The following CYP4F12 variants were observed in gnomAD, a reference collection of about 807,000 sequenced individuals.
CYP4F12 encodes cytochrome P450 4F12.
In CYP4F12, 60 loss-of-function variants were observed where a neutral mutation model predicts 56.5. That is an observed-to-expected ratio of 1.06 (90% CI 0.86 to 1.32). CYP4F12 has a LOEUF of 1.32. CYP4F12 is among the 40% of genes most tolerant of loss of function. CYP4F12 has a pLI of 0.00. For synonymous variants in CYP4F12, 263 were observed against 264.9 expected, an observed-to-expected ratio of 0.99 and a Z score of 0.07; for missense variants, 711 against 683.5, an observed-to-expected ratio of 1.04 and a Z score of -0.45.
chr19:15,696,862 A>G, intron 12 of CYP4F12, 46 bp from the exon 13 acceptor site: 1 of 1,568,754 alleles, frequency 6.4e-7, no homozygotes, highest in Non-Finnish European at 8.7e-7. Context: ...GATGGGACCC[A>G]AATGCGGGTC....
chr19:15,696,483 G>C lies in CYP4F12; in HGVS notation c.1368G>C (p.Leu456=), dbSNP rs1371050728. ...AGAACAGCAAGGGGAGGTCACCTCT[G>C]GCTTTTATTCCTTTCTCCGCAGGGC... ...DPENSKGRSP[L]AFIPFSAGPR... The change falls in exon 12 of 13, where the codon CTG becomes CTC. Residue 456 remains leucine (L), a synonymous_variant. Coordinates refer to ENST00000550308, the MANE Select transcript of CYP4F12 (RefSeq NM_023944.4). The C allele has an allele frequency of 8.7e-6, 14 of 1,614,082 alleles. No homozygotes were observed. The highest frequency in any genetic ancestry group is 1.2e-5 in the Non-Finnish European group (14 of 1,180,004).
At chr19:15,678,513 T>A in intron 3 of CYP4F12, 108 bp downstream of exon 3, 5 of 1,358,600 alleles carry the variant, frequency 3.7e-6, no homozygotes, top group Admixed American at 1.9e-5. Flanking sequence ...GAGACTTCCT[T>A]CTCAATGTCT....
intron 1 of CYP4F12, 193 bp from the exon 2 acceptor site, chr19:15,673,336 C>T (rs1316937973): frequency 8.2e-6 from 5 of 609,582 alleles, no homozygotes; most frequent in Non-Finnish European, 1.5e-5. Context: ...TGTGTGGTTA[C>T]CAGGTTACTG....
At position 15,696,906 on chromosome 19, in the gene CYP4F12, A is replaced by G. The variant is rs2008169785; in HGVS notation, c.1398-2A>G. The G allele has an allele frequency of 1.1e-5, 17 of 1,610,870 alleles. No homozygotes were observed. Among genetic ancestry groups the G allele is most frequent in the East Asian group, 2.2e-5 (1 of 44,802 alleles). ...AGTCACAGTCCCCACTCCCGCCTGC[A>G]GGAACTGCATCGGGCAGGCGTTCGC... On this transcript the variant is annotated splice_acceptor_variant, in intron 12 of 12. Coordinates refer to ENST00000550308, the MANE Select transcript of CYP4F12 (RefSeq NM_023944.4). LOFTEE classifies it high-confidence loss of function.
At chr19:15,687,338 G>A (rs2007665623) in intron 9 of CYP4F12, among the ~76,000 whole-genome samples, 1 of 151,952 alleles carries the variant, frequency 6.6e-6, no homozygotes, top group African/African-American at 2.4e-5. Context: ...ACCATCAATG[G>A]TTTTGTGTGT....
At chr19:15,696,327 G>A (rs1015151777) in intron 11 of CYP4F12, 102 bp downstream of exon 11, 3 of 1,609,892 alleles carry the variant, frequency 1.9e-6, no homozygotes, top group Admixed American at 3.4e-5. Context: ...GTTTTGATGA[G>A]GAAAATCCAA....
At chr19:15,688,958 G>T (rs2007746580) in intron 9 of CYP4F12, among the ~76,000 whole-genome samples, 1 of 151,522 alleles carries the variant, frequency 6.6e-6, no homozygotes, top group Admixed American at 6.6e-5. Flanking sequence ...AAAATCAAAG[G>T]CTTAAATCTA....
At chr19:15,684,964 C>A in intron 8 of CYP4F12, 82 bp downstream of exon 8, 1 of 1,565,484 alleles carries the variant, frequency 6.4e-7, no homozygotes, top group Admixed American at 1.8e-5. Context: ...TGGATCACTC[C>A]ATTCTGCCCA....
chr19:15,695,745 C>T (rs796114405), intron 9 of CYP4F12, among the ~76,000 whole-genome samples, 191 bp from the exon 10 acceptor site: 5 of 152,258 alleles, frequency 3.3e-5, no homozygotes, highest in African/African-American at 1.2e-4. Context: ...ATCTATTTGG[C>T]TAAATTTTCT....
rs2006935290 is a variant in CYP4F12 at position 15,676,453 on chromosome 19, T to TCACTCACTCATTCCTGTGCC, written c.199-1806_199-1805insCTCACTCATTCCTGTGCCCA. 1.7e-4 allele frequency among the ~76,000 whole-genome samples: 3 copies of TCACTCACTCATTCCTGTGCC among 17,152 alleles called. 1 individual carries two copies. The highest frequency in any genetic ancestry group is 5.3e-4 in the African/African-American group (3 of 5,630). The allele number at this position is 17,152 out of a possible 152,430, so 11.3% of individuals were successfully genotyped here. On this transcript the variant is annotated intron_variant, in intron 2 of 12. Transcript: ENST00000550308. The stretch of plus-strand genomic sequence containing the variant: ...TCTCCTCACTCACTCATTCCTCTCC[T>TCACTCACTCATTCCTGTGCC]CATTCAGTCATTCCTGTCCTCACTC...
rs538943818 is a variant in CYP4F12, at chr19:15,683,843, T to C, written c.918+80T>C. 1.6e-3 allele frequency: 2,420 copies of C among 1,475,942 alleles called. 6 individuals carry two copies. Among genetic ancestry groups the C allele is most frequent in the South Asian group, 2.6e-3 (178 of 68,000 alleles). 91.4% of individuals were successfully genotyped at this position (1,475,942 alleles called of 1,614,324 possible). On this transcript the variant is annotated intron_variant, in intron 7 of 12. Transcript: ENST00000550308. ...GTCAGGTGAAATAAATTGGTTTTGA[T>C]CCAAAGGGCACTGGGAGCCATGGAA...
At chr19:15,686,319 C>T (rs2007601837) in intron 9 of CYP4F12, among the ~76,000 whole-genome samples, 1 of 152,166 alleles carries the variant, frequency 6.6e-6, no homozygotes, top group Non-Finnish European at 1.5e-5. Flanking sequence ...TAAAGTGCCT[C>T]AACTGAAACC....
rs7252926 is a variant in CYP4F12 at position 15,673,136 on chromosome 19, G to A, written c.-2+1G>A. On this transcript the variant is annotated splice_donor_variant, in intron 1 of 12. Coordinates refer to ENST00000550308, the MANE Select transcript of CYP4F12 (RefSeq NM_023944.4). LOFTEE classifies it low-confidence loss of function (5UTR_SPLICE). ...TGGGACAAGCTGCTCCCGACAGAAG[G>A]TACCAGGCTGGGGGTGGCAGGGCTG... The A allele has an allele frequency of 1.1e-3, 500 of 448,796 alleles. No homozygotes were observed. The highest frequency in any genetic ancestry group is 9.0e-3 in the African/African-American group (448 of 49,736). The allele number at this position is 448,796 out of a possible 1,614,324, so 27.8% of individuals were successfully genotyped here.
chr19:15,691,080 C>T (rs891349710), intron 9 of CYP4F12, among the ~76,000 whole-genome samples: 2 of 152,166 alleles, frequency 1.3e-5, no homozygotes, highest in African/African-American at 2.4e-5. Flanking sequence ...AAGACACTTG[C>T]GTAAACATTT....
At chr19:15,681,594 C>T (rs1056180405) in intron 5 of CYP4F12, 6 of 152,228 alleles carry the variant, frequency 3.9e-5, no homozygotes, top group African/African-American at 1.4e-4. Context: ...GCATGACATA[C>T]AATGGGCATT....
At chr19:15,684,589 A>G (rs1414503641) in intron 7 of CYP4F12, 2 of 457,730 alleles carry the variant, frequency 4.4e-6, no homozygotes, top group Admixed American at 3.8e-5. Flanking sequence ...TCCTGTCACC[A>G]GGGTCCAAAG....
At chr19:15,689,626 A>G (rs76679101) in intron 9 of CYP4F12, among the ~76,000 whole-genome samples, 6,122 of 152,288 alleles carry the variant, frequency 0.04, 454 homozygotes, top group African/African-American at 0.14. Context: ...AGGAAAAGTG[A>G]TTATATGAAA....
intron 9 of CYP4F12, among the ~76,000 whole-genome samples, chr19:15,694,518 G>T (rs1429586779): frequency 6.6e-6 from 1 of 152,128 alleles, no homozygotes; most frequent in African/African-American, 2.4e-5. Context: ...AAGAATGCTT[G>T]TGATTTTTGT....
intron 9 of CYP4F12, among the ~76,000 whole-genome samples, chr19:15,689,047 C>T (rs2007751850): frequency 6.6e-6 from 1 of 151,914 alleles, no homozygotes; most frequent in African/African-American, 2.4e-5. Context: ...GAATTCGTGA[C>T]CAAGACCACA....
Sources: allele counts gnomAD v4.1 joint callset (sites outside exome capture counted in the v4.1 genomes callset), GRCh38; gene constraint gnomAD v4.1.1; transcripts MANE v1.5; gene names NCBI Gene and HGNC (gene_info 2026-07-23, HGNC 2026-07-21).